The following ZNF385D variants were observed in gnomAD, a reference collection of about 807,000 sequenced individuals.
ZNF385D encodes zinc finger protein 659.
Under a neutral mutation model 35.8 loss-of-function variants are expected in ZNF385D, and 15 were observed. The ratio of observed to expected loss-of-function variants is 0.42; its 90% CI spans 0.28 to 0.64. The LOEUF (loss-of-function observed/expected upper bound fraction) is 0.64, where lower values mean the gene tolerates loss of function less well. Ranked by LOEUF, ZNF385D falls within the 30% of genes least tolerant of loss-of-function variation. The pLI, the probability that ZNF385D is intolerant of heterozygous loss-of-function variation, is 0.23. For missense variants in ZNF385D, 474 were observed against 494.6 expected (o/e 0.96, Z 0.39); for synonymous variants, 212 against 186.8 (o/e 1.13, Z -1.10).
At chr3:21,893,391 A>G (rs909391521) in intron 3 of ZNF385D, among the ~76,000 whole-genome samples, 12 of 152,190 alleles carry the variant, frequency 7.9e-5, no homozygotes, top group Non-Finnish European at 1.5e-4. Context: ...CAGACAGCTT[A>G]TTCTTAAATG....
At chr3:22,195,586 C>T (rs144956548) in intron 2 of ZNF385D, among the ~76,000 whole-genome samples, 87 of 152,052 alleles carry the variant, frequency 5.7e-4, no homozygotes, top group African/African-American at 1.9e-3. Context: ...CCAAACATTA[C>T]GAGTGACTTA....
rs543591567 is a variant in ZNF385D, at chr3:22,107,921, C to T, written c.325+60896G>A. On this transcript the variant is annotated intron_variant, in intron 3 of 5. Transcript: ENST00000494108. ...GGGTGCCCATAATAGGTGATTAGGC[C>T]GTGAGGACTCCTCCCTCATGAAAGT... Among the ~76,000 whole-genome samples, 3 of 151,724 alleles carry T rather than the reference C, an allele frequency of 2.0e-5. No homozygotes were observed. The South Asian group carries it at 6.3e-4, about 32-fold the overall frequency.
At chr3:21,967,096 A>T (rs533181714) in intron 3 of ZNF385D, among the ~76,000 whole-genome samples, 8 of 152,374 alleles carry the variant, frequency 5.3e-5, no homozygotes, top group Admixed American at 2.0e-4. Context: ...ATCTACAAAG[A>T]AAATGTTTAC....
intron 2 of ZNF385D, among the ~76,000 whole-genome samples, chr3:21,632,889 G>A (rs1021296731): frequency 2.0e-5 from 3 of 152,064 alleles, no homozygotes; most frequent in Non-Finnish European, 2.9e-5. Flanking sequence ...AACATAATGT[G>A]AATAACTGGG....
chr3:21,778,559 C>A (rs887940627), intron 3 of ZNF385D, among the ~76,000 whole-genome samples: 2 of 151,782 alleles, frequency 1.3e-5, no homozygotes, highest in Non-Finnish European at 2.9e-5. Flanking sequence ...GAGCATGGTT[C>A]GCGAAAAACA....
rs534155821 is a variant in ZNF385D at position 22,079,678 on chromosome 3, G to C, written c.325+89139C>G. 4.8e-3 allele frequency among the ~76,000 whole-genome samples: 723 copies of C among 152,032 alleles called. 11 individuals carry two copies. Among genetic ancestry groups the C allele is most frequent in the African/African-American group, 0.016 (658 of 41,494 alleles). ...ATTTTGGTTTCATTGATAGCATAAG[G>C]TATCCAAAACCAGATTAAATATGTC... is the stretch of plus-strand genomic sequence containing the variant. On this transcript the variant is annotated intron_variant, in intron 3 of 5. Coordinates refer to the ZNF385D transcript ENST00000494108.
chr3:22,046,519 G>A (rs569817134), intron 3 of ZNF385D, among the ~76,000 whole-genome samples: 10 of 152,130 alleles, frequency 6.6e-5, no homozygotes, highest in Non-Finnish European at 1.3e-4. Flanking sequence ...TAAGTGGAAT[G>A]TTTTAAGAGC....
intron 3 of ZNF385D, among the ~76,000 whole-genome samples, chr3:21,821,438 A>G (rs1167394347): frequency 1.3e-5 from 2 of 152,226 alleles, no homozygotes; most frequent in African/African-American, 2.4e-5. Flanking sequence ...TCTTCTTGAC[A>G]AATACATGAT....
intron 3 of ZNF385D, among the ~76,000 whole-genome samples, chr3:22,085,388 G>T (rs536613637): frequency 6.6e-6 from 1 of 152,224 alleles, no homozygotes; most frequent in South Asian, 2.1e-4. Flanking sequence ...AACTGATAAA[G>T]GCGATATCAC....
intron 2 of ZNF385D, among the ~76,000 whole-genome samples, chr3:22,183,686 A>C (rs1374278876): frequency 6.6e-6 from 1 of 152,162 alleles, no homozygotes; most frequent in Non-Finnish European, 1.5e-5. Context: ...CTATTGTATC[A>C]TTAATACATA....
intron 1 of ZNF385D, among the ~76,000 whole-genome samples, chr3:21,741,400 C>G (rs900337626): frequency 6.6e-6 from 1 of 152,114 alleles, no homozygotes; most frequent in Non-Finnish European, 1.5e-5. Flanking sequence ...CCTAAGAATG[C>G]CCACAGACCT....
chr3:21,890,613 C>T (rs571970965), intron 3 of ZNF385D, among the ~76,000 whole-genome samples: 8 of 151,394 alleles, frequency 5.3e-5, no homozygotes, highest in African/African-American at 1.5e-4. Flanking sequence ...AGTGAGACTC[C>T]GTCTCAGAAA....
chr3:22,332,586 A>T (rs991124137), intron 2 of ZNF385D, among the ~76,000 whole-genome samples: 1 of 152,158 alleles, frequency 6.6e-6, no homozygotes, highest in African/African-American at 2.4e-5. Flanking sequence ...GATAGCAAGG[A>T]AACAAAAAAT....
chr3:21,935,743 A>T (rs1701226988), intron 3 of ZNF385D, among the ~76,000 whole-genome samples: 1 of 24,030 alleles, frequency 4.2e-5, no homozygotes, highest in Non-Finnish European at 7.4e-5. Flanking sequence ...GGCAGAGTAG[A>T]TACAACACTG....
At chr3:22,072,650 G>A (rs113355324) in intron 3 of ZNF385D, among the ~76,000 whole-genome samples, 6 of 151,990 alleles carry the variant, frequency 3.9e-5, no homozygotes, top group African/African-American at 1.4e-4. Context: ...TGCTAGATAG[G>A]AAGGCAAGAA....
intron 1 of ZNF385D, among the ~76,000 whole-genome samples, chr3:21,723,787 G>C (rs1014996926): frequency 6.6e-6 from 1 of 152,058 alleles, no homozygotes; most frequent in Non-Finnish European, 1.5e-5. Context: ...TCAAATTCAG[G>C]GAATACAGAG....
At chr3:21,964,470 ATTTTTTTTTTTTTTTTT>A (rs377650103) in intron 3 of ZNF385D, among the ~76,000 whole-genome samples, 7 of 68,160 alleles carry the variant, frequency 1.0e-4, no homozygotes, top group Admixed American at 5.0e-4. Context: ...AATTTCTCAG[ATTTTTTTTTTTTTTTTT>A]TTTTTTTTTT....
chr3:21,448,366 A>G (rs1702267057), intron 4 of ZNF385D, among the ~76,000 whole-genome samples: 1 of 152,166 alleles, frequency 6.6e-6, no homozygotes, highest in East Asian at 1.9e-4. Context: ...GACTCAAACT[A>G]CCCATCATTT....
intron 2 of ZNF385D, among the ~76,000 whole-genome samples, chr3:22,315,136 A>C (rs915627359): frequency 6.6e-6 from 1 of 152,176 alleles, no homozygotes; most frequent in African/African-American, 2.4e-5. Context: ...CCAGAGACAA[A>C]GGAAAGGAGA....
Sources: allele counts gnomAD v4.1 joint callset (sites outside exome capture counted in the v4.1 genomes callset), GRCh38; gene constraint gnomAD v4.1.1; transcripts MANE v1.5; gene names NCBI Gene and HGNC (gene_info 2026-07-23, HGNC 2026-07-21).